TC2N: variants seen among roughly 807,000 people sequenced by gnomAD.
TC2N encodes tandem C2 domains nuclear protein.
Under a neutral mutation model 61.9 loss-of-function variants are expected in TC2N, and 51 were observed. The ratio of observed to expected loss-of-function variants is 0.82; its 90% CI spans 0.66 to 1.04. The LOEUF (loss-of-function observed/expected upper bound fraction) is 1.04, where lower values mean the gene tolerates loss of function less well. Ranked by LOEUF, TC2N falls within the 50% of genes least tolerant of loss-of-function variation. The pLI, the probability that TC2N is intolerant of heterozygous loss-of-function variation, is 0.00. For synonymous variants in TC2N, 204 were observed against 192.6 expected (o/e 1.06, Z -0.49); for missense variants, 556 against 566.7 (o/e 0.98, Z 0.19).
intron 2 of TC2N, 76 bp from the exon 3 acceptor site, chr14:91,812,621 ATATT>A (rs971886068): frequency 2.8e-6 from 2 of 706,292 alleles, no homozygotes; most frequent in African/African-American, 3.6e-5. Flanking sequence ...GCATACTTTG[ATATT>A]TATTTAACCA....
intron 1 of TC2N, among the ~76,000 whole-genome samples, chr14:91,831,371 T>A (rs1887763082): frequency 6.6e-6 from 1 of 152,166 alleles, no homozygotes; most frequent in African/African-American, 2.4e-5. Context: ...TATTTAAGAA[T>A]TAAATAACAC....
intron 1 of TC2N, among the ~76,000 whole-genome samples, chr14:91,815,492 T>C (rs886710409): frequency 6.6e-6 from 1 of 151,674 alleles, no homozygotes; most frequent in Non-Finnish European, 1.5e-5. Flanking sequence ...GAAATTAAAT[T>C]GTATAAGAAC....
At chr14:91,832,244 GC>G (rs1887808202) in intron 1 of TC2N, among the ~76,000 whole-genome samples, 1 of 152,010 alleles carries the variant, frequency 6.6e-6, no homozygotes, top group African/African-American at 2.4e-5. Context: ...CAAAAAATTA[GC>G]CAGGCATGGC....
At chr14:91,784,236 G>A (rs1276511984) in intron 11 of TC2N, among the ~76,000 whole-genome samples, 1 of 152,098 alleles carries the variant, frequency 6.6e-6, no homozygotes, top group African/African-American at 2.4e-5. Context: ...CCGTTAAGTT[G>A]AGGCTCGATG....
At chr14:91,859,351 C>G (rs75721606) in intron 1 of TC2N, among the ~76,000 whole-genome samples, 1 of 152,098 alleles carries the variant, frequency 6.6e-6, no homozygotes, top group Non-Finnish European at 1.5e-5. Flanking sequence ...TTCCCCTCTA[C>G]CAAAACTCCT....
chr14:91,830,409 A>G (rs1887702468), intron 1 of TC2N, among the ~76,000 whole-genome samples: 1 of 152,230 alleles, frequency 6.6e-6, no homozygotes. Context: ...CAACACAGAT[A>G]AATCTTGAAA....
intron 10 of TC2N, among the ~76,000 whole-genome samples, chr14:91,786,798 CA>C: frequency 6.6e-6 from 1 of 152,192 alleles, no homozygotes; most frequent in Admixed American, 6.5e-5. Context: ...ATGATTCTTT[CA>C]AAGAAGCAGC....
At chr14:91,846,364 A>T (rs1888270371) in intron 1 of TC2N, among the ~76,000 whole-genome samples, 1 of 152,214 alleles carries the variant, frequency 6.6e-6, no homozygotes, top group South Asian at 2.1e-4. Context: ...ACAGAAGATC[A>T]AGAAGAATTT....
At chr14:91,806,555 G>C (rs1886514669) in intron 3 of TC2N, among the ~76,000 whole-genome samples, 1 of 152,198 alleles carries the variant, frequency 6.6e-6, no homozygotes, top group Non-Finnish European at 1.5e-5. Context: ...AAAGACACTG[G>C]TGTCATTTTG....
chr14:91,823,490 A>G (rs1223445750), intron 1 of TC2N, among the ~76,000 whole-genome samples: 1 of 151,514 alleles, frequency 6.6e-6, no homozygotes, highest in African/African-American at 2.4e-5. Flanking sequence ...ATTGCACTCC[A>G]GACTGGGCAA....
intron 3 of TC2N, among the ~76,000 whole-genome samples, chr14:91,808,554 T>C (rs1488079923): frequency 6.6e-6 from 1 of 152,230 alleles, no homozygotes; most frequent in Non-Finnish European, 1.5e-5. Context: ...CATATTTAAC[T>C]TCTTTAATTA....
chr14:91,787,400 T>C (rs950995548), intron 10 of TC2N, 113 bp downstream of exon 10: 1 of 622,502 alleles, frequency 1.6e-6, no homozygotes, highest in Admixed American at 3.6e-5. Context: ...AGTAAATAAG[T>C]TAAATAATAA....
At chr14:91,815,530 G>A (rs1359860281) in intron 1 of TC2N, among the ~76,000 whole-genome samples, 1 of 151,526 alleles carries the variant, frequency 6.6e-6, no homozygotes, top group Non-Finnish European at 1.5e-5. Flanking sequence ...ATTGTCCTTG[G>A]TCTCAGTGCC....
chr14:91,812,577 A>G, intron 2 of TC2N, 32 bp from the exon 3 acceptor site: 1 of 1,098,106 alleles, frequency 9.1e-7, no homozygotes, highest in Non-Finnish European at 1.4e-6. Flanking sequence ...AGTCACAAAT[A>G]TGAATATAGG....
At chr14:91,810,378 G>C (rs748566070) in intron 3 of TC2N, among the ~76,000 whole-genome samples, 2 of 152,018 alleles carry the variant, frequency 1.3e-5, no homozygotes, top group African/African-American at 2.4e-5. Context: ...AGGAAGGGAG[G>C]GATGAAAGAA....
intron 8 of TC2N, among the ~76,000 whole-genome samples, chr14:91,797,229 A>G (rs532099278): frequency 3.9e-5 from 6 of 152,182 alleles, no homozygotes; most frequent in African/African-American, 1.4e-4. Context: ...AACTTTTTAT[A>G]TGTTTATTAG....
chr14:91,834,537 A>G (rs1595267948), intron 1 of TC2N, among the ~76,000 whole-genome samples: 1 of 152,230 alleles, frequency 6.6e-6, no homozygotes, highest in East Asian at 1.9e-4. Flanking sequence ...TTCTCAAAAT[A>G]CGGATTCTAA....
intron 1 of TC2N, among the ~76,000 whole-genome samples, chr14:91,816,439 G>C (rs1209062292): frequency 6.6e-6 from 1 of 151,724 alleles, no homozygotes; most frequent in African/African-American, 2.4e-5. Flanking sequence ...TCTATTCACT[G>C]TCTCCTGCCG....
chr14:91,792,423 G>A lies in TC2N; in HGVS notation c.991C>T (p.Leu331Phe). 6.2e-7 allele frequency: 1 copy of A among 1,610,086 alleles called. No individual in the cohort carries two copies. The highest frequency in any genetic ancestry group is 8.5e-7 in the Non-Finnish European group (1 of 1,177,576). ...IGECSMSLRTLSTQEMDYSLD... is the reference protein window; with the variant it reads ...IGECSMSLRTFSTQEMDYSLD... ...GAGTAATCCATTTCCTGTGTGCTAA[G>A]GGTTCTGAGTGACATTGAGCATTCT... Residue 331 changes from leucine (L) to phenylalanine (F), a missense_variant, in exon 9 of 12, where the codon CTT becomes TTT. Transcript: ENST00000435962.
Sources: gnomAD v4.1 joint callset for allele counts (sites outside exome capture counted in the v4.1 genomes callset) on GRCh38, gnomAD v4.1.1 for gene constraint, MANE v1.5 for transcripts, NCBI Gene and HGNC (gene_info 2026-07-23, HGNC 2026-07-21) for gene names.